Variants in KCNAB2 observed in about 807,000 individuals in gnomAD.
KCNAB2 encodes the protein potassium voltage-gated channel subfamily A regulatory beta subunit 2.
In KCNAB2, 29 loss-of-function variants were observed where a neutral mutation model predicts 63.6. The observed-to-expected ratio is 0.46, with a 90% CI of 0.34 to 0.62. KCNAB2 has a LOEUF of 0.62. Among genes scored for constraint, KCNAB2 ranks in the 20% least tolerant of loss-of-function variants. The probability of loss-of-function intolerance (pLI) is 0.01; values close to 1 mark genes in which losing one functional copy is unlikely to be tolerated. For synonymous variants in KCNAB2, 222 were observed against 224.2 expected, an observed-to-expected ratio of 0.99 and a Z score of 0.09; for missense variants, 359 against 563.9, an observed-to-expected ratio of 0.64 and a Z score of 3.68.
In KCNAB2 at chr1:6,094,437, G is replaced by A. The variant is rs1315030091; in HGVS notation, c.684G>A (p.Gly228=). ...VRAMTHVINQ[G]MAMYWGTSRW... ...CCATGACCCACGTCATCAACCAGGG[G>A]ATGGCCATGTACTGGGGCACGTCAC... is the stretch of plus-strand genomic sequence containing the variant. Residue 228 remains glycine, a synonymous_variant, in exon 11 of 16, where the codon GGG becomes GGA. Coordinates refer to ENST00000378083, the MANE Select transcript of KCNAB2 (RefSeq NM_001199862.2). 1 of 1,612,164 alleles carries A rather than the reference G, an allele frequency of 6.2e-7. No individual in the cohort carries two copies. The highest frequency in any genetic ancestry group is 8.5e-7 in the Non-Finnish European group (1 of 1,179,586).
chr1:6,091,374 T>G, intron 10 of KCNAB2, 67 bp downstream of exon 10: 1 of 1,141,766 alleles, frequency 8.8e-7, no homozygotes, highest in Non-Finnish European at 1.3e-6. Context: ...GACAGTATTT[T>G]TATTTACATG....
intron 1 of KCNAB2, among the ~76,000 whole-genome samples, chr1:6,023,476 T>C (rs931384309): frequency 2.0e-5 from 3 of 152,234 alleles, no homozygotes; most frequent in Non-Finnish European, 4.4e-5. Context: ...TGGGCTTTTT[T>C]ATAGCGGCCA....
At position 6,094,490 on chromosome 1, in the gene KCNAB2, G is replaced by T; in HGVS notation, c.732+5G>T. The T allele has an allele frequency of 6.2e-7, 1 of 1,605,848 alleles. No homozygotes were observed. The highest frequency in any genetic ancestry group is 8.5e-7 in the Non-Finnish European group (1 of 1,176,554). On this transcript the variant is annotated splice_donor_5th_base_variant and intron_variant, in intron 11 of 15. Coordinates refer to ENST00000378083, the MANE Select transcript of KCNAB2 (RefSeq NM_001199862.2). ...TGGAGCTCCATGGAGATCATGGTACGGTGGCCGCGCAGCATGTGTGTGTCC... is the reference window on the plus strand; with the variant it reads ...TGGAGCTCCATGGAGATCATGGTACTGTGGCCGCGCAGCATGTGTGTGTCC...
chr1:6,038,815 G>A (rs927470322), intron 1 of KCNAB2, among the ~76,000 whole-genome samples: 1 of 152,264 alleles, frequency 6.6e-6, no homozygotes, highest in African/African-American at 2.4e-5. Flanking sequence ...AAGCCAATCA[G>A]CCACTTGGCT....
upstream of KCNAB2, among the ~76,000 whole-genome samples, chr1:6,030,316 G>A (rs921185997): frequency 4.6e-5 from 7 of 152,166 alleles, no homozygotes; most frequent in African/African-American, 1.2e-4. Flanking sequence ...GGACTGGGGC[G>A]TGCCTGTCCC....
intron 10 of KCNAB2, 59 bp downstream of exon 10, chr1:6,091,366 C>A: frequency 8.2e-7 from 1 of 1,218,042 alleles, no homozygotes; most frequent in Non-Finnish European, 1.2e-6. Context: ...TTTTATGAGA[C>A]AGTATTTTTA....
intron 1 of KCNAB2, among the ~76,000 whole-genome samples, chr1:6,015,746 C>G (rs1658458610): frequency 6.6e-6 from 1 of 152,098 alleles, no homozygotes; most frequent in Non-Finnish European, 1.5e-5. Context: ...GATCTGTCAC[C>G]CAGGTTGGAG....
intron 2 of KCNAB2, among the ~76,000 whole-genome samples, chr1:6,068,498 A>G (rs774964559): frequency 3.9e-5 from 6 of 152,198 alleles, no homozygotes; most frequent in Non-Finnish European, 8.8e-5. Context: ...TGGAGTTGCA[A>G]ACACCGCCTT....
In KCNAB2 at chr1:6,028,347, C is replaced by T. The variant is rs150321016; in HGVS notation, c.-52-12170C>T. On this transcript the variant is annotated intron_variant, in intron 1 of 16. Transcript: ENST00000341524. This position sits in a 1 kb window ranked among gnomAD's most constrained non-coding sequence, Gnocchi z 4.0. The stretch of plus-strand genomic sequence containing the variant: ...GCCATGGCTCCTCTAGGCTCTGGCA[C>T]GCAGAACAAGCAGACCATGGTTTTG... Among the ~76,000 whole-genome samples, 10 of 152,324 alleles carry T rather than the reference C, an allele frequency of 6.6e-5. No individual in the cohort carries two copies. Among genetic ancestry groups the T allele is most frequent in the African/African-American group, 1.9e-4 (8 of 41,572 alleles).
chr1:6,075,619 G>A (rs1200152436), intron 4 of KCNAB2, among the ~76,000 whole-genome samples: 1 of 152,232 alleles, frequency 6.6e-6, no homozygotes, highest in Non-Finnish European at 1.5e-5. Context: ...CCGCCTGGCT[G>A]CGGTTCAGAT....
chr1:6,043,174 T>G (rs1490648302), upstream of KCNAB2, among the ~76,000 whole-genome samples: 1 of 152,170 alleles, frequency 6.6e-6, no homozygotes, highest in Non-Finnish European at 1.5e-5. Flanking sequence ...GTACCTGAAC[T>G]GCATCCTCAG....
At chr1:6,093,118 C>T (rs529311509) in intron 10 of KCNAB2, among the ~76,000 whole-genome samples, 4 of 152,354 alleles carry the variant, frequency 2.6e-5, no homozygotes, top group East Asian at 1.9e-4. Context: ...TTCCATCCTT[C>T]CTTCCTTCCC....
chr1:6,007,532 C>CCGCGCCTCCTT (rs1553211369), intron 1 of KCNAB2: 1 of 152,530 alleles, frequency 6.6e-6, no homozygotes, highest in East Asian at 1.9e-4. Flanking sequence ...CGCGCCTCCT[C>CCGCGCCTCCTT]TGCGCCCCGC....
At chr1:6,057,873 A>AG (rs1661974698) in intron 2 of KCNAB2, among the ~76,000 whole-genome samples, 1 of 152,150 alleles carries the variant, frequency 6.6e-6, no homozygotes, top group African/African-American at 2.4e-5. Flanking sequence ...AGTCATGGCC[A>AG]GGCACAGTGG....
intron 1 of KCNAB2, among the ~76,000 whole-genome samples, chr1:5,998,398 G>A (rs1223030169): frequency 6.6e-6 from 1 of 152,190 alleles, no homozygotes; most frequent in Non-Finnish European, 1.5e-5. Flanking sequence ...GTTGACCTTG[G>A]GTTTCGAGGT....
intron 1 of KCNAB2, among the ~76,000 whole-genome samples, chr1:5,993,118 G>T (rs1366779263): frequency 7.2e-6 from 1 of 139,634 alleles, no homozygotes; most frequent in African/African-American, 2.6e-5. Flanking sequence ...TGCCCGCTCC[G>T]GTCCTAGCAG....
In KCNAB2 at chr1:6,099,890, G is replaced by T. The variant is rs74927442; in HGVS notation, c.*1316G>T. On this transcript the variant is annotated 3_prime_UTR_variant, in exon 16 of 16. Transcript: ENST00000378083. Reference sequence around the variant, plus strand: ...GTGCAGCTTGGGCCGGAGGGCAAGGGATGCCAGTAAGTCTGCAGGTGCGGG... The same window carrying T: ...GTGCAGCTTGGGCCGGAGGGCAAGGTATGCCAGTAAGTCTGCAGGTGCGGG... 3 of 1,550,232 alleles carry T rather than the reference G, an allele frequency of 1.9e-6. No homozygotes were observed. In the East Asian group the frequency reaches 7.3e-5, roughly 38 times the overall value.
Position 5,994,642 on chromosome 1 carries a change from C to T in KCNAB2, c.-53+1854C>T, listed in dbSNP as rs1204042761. 6.6e-6 allele frequency among the ~76,000 whole-genome samples: 1 copy of T among 152,082 alleles called. No individual in the cohort carries two copies. Among genetic ancestry groups the T allele is most frequent in the African/African-American group, 2.4e-5 (1 of 41,390 alleles). On this transcript the variant is annotated intron_variant, in intron 1 of 16. Transcript: ENST00000341524. The surrounding 1 kb of genome is among the most constrained non-coding windows in gnomAD (Gnocchi z 5.4). The stretch of plus-strand genomic sequence containing the variant: ...TCGTGAAAAAGTGTGAAACCCTTTT[C>T]GTGTGTTTCTTGGTTGAGAACCGTC...
rs11806182 is a variant in KCNAB2 at position 6,086,022 on chromosome 1, T to A, written c.425+774T>A. ...ATGGGCCCTTCCCAGGCCAAGGTCC[T>A]CACCCACCTTGGGACCAACTGGGCT... On this transcript the variant is annotated intron_variant, in intron 6 of 15. Transcript: ENST00000378083. This position sits in a 1 kb window ranked among gnomAD's most constrained non-coding sequence, Gnocchi z 4.2. 4,489 of 985,436 alleles carry A rather than the reference T, an allele frequency of 4.6e-3. 170 individuals carry two copies. The African/African-American group carries it at 0.074, about 16-fold the overall frequency. The allele number at this position is 985,436 out of a possible 1,614,324, so 61.0% of individuals were successfully genotyped here. A position where few individuals can be genotyped will look rare whatever the true frequency, so the allele number is the denominator to read the frequency against.
Sources: allele counts gnomAD v4.1 joint callset (sites outside exome capture counted in the v4.1 genomes callset), GRCh38; gene constraint gnomAD v4.1.1; non-coding constraint Gnocchi (gnomAD v3.1); transcripts MANE v1.5; gene names NCBI Gene and HGNC (gene_info 2026-07-23, HGNC 2026-07-21).